Variants in EPHA5 observed in about 807,000 individuals in gnomAD.
The protein encoded by EPHA5 is ephrin type-A receptor 5.
Under a neutral mutation model 105.0 loss-of-function variants are expected in EPHA5, and 60 were observed. That is an observed-to-expected ratio of 0.57 (90% CI 0.46 to 0.71). The LOEUF (loss-of-function observed/expected upper bound fraction) is 0.71, where lower values mean the gene tolerates loss of function less well. Among genes scored for constraint, EPHA5 ranks in the 30% least tolerant of loss-of-function variants. The pLI is 0.00. For missense variants in EPHA5, 1,218 were observed against 1,274.7 expected (o/e 0.96, Z 0.68); for synonymous variants, 513 against 449.1 (o/e 1.14, Z -1.80).
At chr4:65,353,264 A>AAT (rs934885855) in intron 11 of EPHA5, among the ~76,000 whole-genome samples, 161 bp from the exon 12 acceptor site, 28 of 146,608 alleles carry the variant, frequency 1.9e-4, no homozygotes, top group South Asian at 6.3e-4. Flanking sequence ...TATTAAATGA[A>AAT]AGATATTTAA....
chr4:65,333,084 A>C (rs2148802840), intron 15 of EPHA5, among the ~76,000 whole-genome samples: 1 of 151,928 alleles, frequency 6.6e-6, no homozygotes, highest in African/African-American at 2.4e-5. Flanking sequence ...CAATAATAAT[A>C]ATGATATAAT....
intron 5 of EPHA5, among the ~76,000 whole-genome samples, chr4:65,426,018 G>T (rs550537540): frequency 6.6e-6 from 1 of 152,236 alleles, no homozygotes; most frequent in Admixed American, 6.6e-5. Flanking sequence ...AAGACGCCAT[G>T]ATTTTTCTCT....
intron 2 of EPHA5, among the ~76,000 whole-genome samples, chr4:65,636,188 G>T (rs564411973): frequency 1.4e-4 from 22 of 152,126 alleles, no homozygotes; most frequent in Non-Finnish European, 2.5e-4. Flanking sequence ...GACACTCAAT[G>T]AGAAAGTGAA....
intron 2 of EPHA5, among the ~76,000 whole-genome samples, chr4:65,629,678 T>G (rs1251965233): frequency 1.3e-5 from 2 of 152,314 alleles, no homozygotes; most frequent in South Asian, 2.1e-4. Flanking sequence ...CTAATTGAGA[T>G]GTGTCCCAGA....
intron 3 of EPHA5, among the ~76,000 whole-genome samples, chr4:65,505,883 G>A (rs946266224): frequency 6.6e-6 from 1 of 152,000 alleles, no homozygotes. Flanking sequence ...AAGTTTTAGG[G>A]TACATGTGCA....
chr4:65,376,237 G>A (rs570899832), intron 8 of EPHA5, among the ~76,000 whole-genome samples: 1 of 152,058 alleles, frequency 6.6e-6, no homozygotes, highest in Admixed American at 6.6e-5. Context: ...AAATGACACT[G>A]GGTACAATAG....
rs1749560351 is a variant in EPHA5, at chr4:65,661,543, C to T, written c.181+8019G>A. Among the ~76,000 whole-genome samples the T allele has an allele frequency of 2.0e-5, 3 of 152,132 alleles. No individual in the cohort carries two copies. In the South Asian group the frequency reaches 6.2e-4, roughly 31 times the overall value. ...TCTTAGGACACCCAGTATGGCATTA[C>T]TACACTGACTAGAGAAAAACTCTTA... On this transcript the variant is annotated intron_variant, in intron 1 of 16. Coordinates refer to ENST00000613740, the MANE Select transcript of EPHA5 (RefSeq NM_001281766.3).
chr4:65,449,800 T>A (rs1250312811), intron 5 of EPHA5, among the ~76,000 whole-genome samples: 1 of 152,104 alleles, frequency 6.6e-6, no homozygotes, highest in Admixed American at 6.6e-5. Flanking sequence ...ATCACACAGG[T>A]ACCCTTTTTC....
At chr4:65,388,158 T>G (rs1475247357) in intron 8 of EPHA5, among the ~76,000 whole-genome samples, 1 of 150,102 alleles carries the variant, frequency 6.7e-6, no homozygotes, top group African/African-American at 2.4e-5. Context: ...CATCATTTTT[T>G]ATGGCTGCAT....
chr4:65,445,463 C>T (rs536378170), intron 5 of EPHA5, among the ~76,000 whole-genome samples: 14 of 152,206 alleles, frequency 9.2e-5, no homozygotes, highest in African/African-American at 3.4e-4. Context: ...AATATTGCTT[C>T]TTTATGAGAA....
intron 14 of EPHA5, among the ~76,000 whole-genome samples, chr4:65,336,333 G>A (rs529376038): frequency 4.4e-4 from 67 of 151,998 alleles, no homozygotes; most frequent in African/African-American, 1.6e-3. Flanking sequence ...TAAAAAGATA[G>A]GCTTTCTTCA....
chr4:65,388,579 T>C (rs930940607), intron 8 of EPHA5, among the ~76,000 whole-genome samples: 4 of 151,848 alleles, frequency 2.6e-5, no homozygotes, highest in South Asian at 2.1e-4. Context: ...TGATGATGAG[T>C]ATTTTTTCAT....
chr4:65,506,178 C>T (rs1380403125), intron 3 of EPHA5, among the ~76,000 whole-genome samples: 1 of 152,114 alleles, frequency 6.6e-6, no homozygotes, highest in African/African-American at 2.4e-5. Context: ...AGGACATGAA[C>T]TCATCCTTTT....
chr4:65,576,178 G>A (rs1224854139), intron 3 of EPHA5, among the ~76,000 whole-genome samples: 1 of 150,334 alleles, frequency 6.7e-6, no homozygotes, highest in Non-Finnish European at 1.5e-5. Flanking sequence ...AAGGAAGGAA[G>A]GAAGGAAGGA....
At chr4:65,464,462 T>A (rs1017262796) in intron 5 of EPHA5, among the ~76,000 whole-genome samples, 8 of 152,120 alleles carry the variant, frequency 5.3e-5, no homozygotes, top group Non-Finnish European at 1.0e-4. Context: ...TCTAAATAGA[T>A]AATAATTTAC....
intron 2 of EPHA5, among the ~76,000 whole-genome samples, chr4:65,632,349 G>A (rs145032011): frequency 6.6e-6 from 1 of 151,978 alleles, no homozygotes; most frequent in African/African-American, 2.4e-5. Context: ...CATTCAAACC[G>A]ATGTTTTTTA....
At chr4:65,476,123 A>AGTGTGTGT (rs1457344941) in intron 5 of EPHA5, among the ~76,000 whole-genome samples, 27 of 130,134 alleles carry the variant, frequency 2.1e-4, no homozygotes, top group African/African-American at 7.8e-4. Context: ...AGAGAGAGAG[A>AGTGTGTGT]GAGAGTGTGT....
At chr4:65,450,197 T>C (rs1429273928) in intron 5 of EPHA5, among the ~76,000 whole-genome samples, 12 of 152,186 alleles carry the variant, frequency 7.9e-5, no homozygotes, top group Admixed American at 7.9e-4. Context: ...TAGTATATTA[T>C]GGAGAGATTG....
At chr4:65,488,876 G>A (rs36171597) in intron 5 of EPHA5, among the ~76,000 whole-genome samples, 22,850 of 140,930 alleles carry the variant, frequency 0.16, 2,005 homozygotes, top group Admixed American at 0.21. Context: ...TCTGAACTCA[G>A]CTGCATGCAT....
Sources: gnomAD v4.1 joint callset for allele counts (sites outside exome capture counted in the v4.1 genomes callset) on GRCh38, gnomAD v4.1.1 for gene constraint, MANE v1.5 for transcripts, NCBI Gene and HGNC (gene_info 2026-07-23, HGNC 2026-07-21) for gene names.